The following ANK1 variants were observed in gnomAD, a reference collection of about 807,000 sequenced individuals.
ANK1 encodes ankyrin 1.
A neutral mutation model predicts 210.4 loss-of-function variants in ANK1; 51 were observed. The observed-to-expected ratio is 0.24, with a 90% CI of 0.19 to 0.31. The LOEUF (loss-of-function observed/expected upper bound fraction) is 0.31. ANK1 is among the 10% of genes least tolerant of loss of function. The pLI, the probability that ANK1 is intolerant of heterozygous loss-of-function variation, is 1.00. For synonymous variants in ANK1, 967 were observed against 1,025.9 expected (o/e 0.94, Z 1.10); for missense variants, 2,051 against 2,504.4 (o/e 0.82, Z 3.86).
chr8:41,719,956 C>T (rs1034974330), intron 9 of ANK1, 98 bp from the exon 10 acceptor site: 18 of 1,381,718 alleles, frequency 1.3e-5, no homozygotes, highest in African/African-American at 5.7e-5. Flanking sequence ...TTCTTCCCTA[C>T]ACAATGTTTC....
intron 1 of ANK1, among the ~76,000 whole-genome samples, chr8:41,816,068 T>C (rs1450478576): frequency 6.6e-6 from 1 of 152,244 alleles, no homozygotes; most frequent in Non-Finnish European, 1.5e-5. Context: ...TTATAAACCT[T>C]TATCGCTCTT....
intron 39 of ANK1, among the ~76,000 whole-genome samples, chr8:41,667,434 C>T (rs549712193): frequency 6.6e-6 from 1 of 152,138 alleles, no homozygotes; most frequent in Non-Finnish European, 1.5e-5. Flanking sequence ...AACAGTGGTG[C>T]ATGTTTTATA....
intron 1 of ANK1, among the ~76,000 whole-genome samples, chr8:41,764,682 T>C (rs150724935): frequency 6.6e-6 from 1 of 152,320 alleles, no homozygotes; most frequent in African/African-American, 2.4e-5. Context: ...CCTCCTCATC[T>C]CTAGCTTCGT....
At chr8:41,794,925 C>T (rs1438950906) in intron 1 of ANK1, among the ~76,000 whole-genome samples, 14 of 152,164 alleles carry the variant, frequency 9.2e-5, no homozygotes, top group African/African-American at 3.1e-4. Context: ...AGGCTGGCCT[C>T]GAACTCCTGA....
intron 1 of ANK1, among the ~76,000 whole-genome samples, chr8:41,890,710 AAAAAAAAAAAAAAAAG>A (rs1036302129): frequency 4.1e-5 from 6 of 145,502 alleles, no homozygotes; most frequent in African/African-American, 1.6e-4. Context: ...CTCCGTCTCA[AAAAAAAAAAAAAAAAG>A]AAAAAAGAAA....
chr8:41,803,143 G>A (rs1453790997), intron 1 of ANK1, among the ~76,000 whole-genome samples: 1 of 142,854 alleles, frequency 7.0e-6, no homozygotes, highest in African/African-American at 2.6e-5. Context: ...GGAAAGAAAG[G>A]AAAGAAAGAA....
chr8:41,697,411 C>T (rs1406728117), intron 24 of ANK1, among the ~76,000 whole-genome samples: 1 of 152,140 alleles, frequency 6.6e-6, no homozygotes. Context: ...TCCCCCGGTC[C>T]AGAACGTCCT....
Position 41,744,826 on chromosome 8 carries a change from C to T in ANK1, c.130-10757G>A, listed in dbSNP as rs188701163. On this transcript the variant is annotated intron_variant, in intron 2 of 42. Transcript: ENST00000289734. Reference sequence around the variant, plus strand: ...CTGGGATTACAGGCGTGAGCCTCCGCGCCCGATGGGAGCATGATTTCTATG... The same window carrying T: ...CTGGGATTACAGGCGTGAGCCTCCGTGCCCGATGGGAGCATGATTTCTATG... Among the ~76,000 whole-genome samples, 481 of 152,306 alleles carry T rather than the reference C, an allele frequency of 3.2e-3. 1 individual carries two copies. The highest frequency in any genetic ancestry group is 0.014 in the Middle Eastern group (4 of 294).
At chr8:41,850,231 A>G (rs1472760286) in intron 1 of ANK1, among the ~76,000 whole-genome samples, 3 of 152,194 alleles carry the variant, frequency 2.0e-5, no homozygotes, top group African/African-American at 7.2e-5. Context: ...CGTTTAGCCC[A>G]TGGGCTAAAA....
chr8:41,716,589 AG>A (rs1410289407), intron 13 of ANK1, among the ~76,000 whole-genome samples: 1 of 152,170 alleles, frequency 6.6e-6, no homozygotes, highest in Non-Finnish European at 1.5e-5. Context: ...GTTTACAGCA[AG>A]GGGGAACTCT....
Position 41,762,305 on chromosome 8 carries a change from G to C in ANK1, c.28-4168C>G, listed in dbSNP as rs529393089. Among the ~76,000 whole-genome samples the C allele has an allele frequency of 5.3e-5, 8 of 152,200 alleles. No individual in the cohort carries two copies. The South Asian group carries it at 1.5e-3, about 28-fold the overall frequency. On this transcript the variant is annotated intron_variant, in intron 1 of 42. Transcript: ENST00000289734. The stretch of plus-strand genomic sequence containing the variant: ...GATGGTGGCTACTTCCTGCATGAAT[G>C]ACACTATGCTTAGACACTCAGTATT...
intron 1 of ANK1, among the ~76,000 whole-genome samples, chr8:41,854,059 T>C (rs1398966633): frequency 6.6e-6 from 1 of 152,280 alleles, no homozygotes; most frequent in Non-Finnish European, 1.5e-5. Flanking sequence ...TATTCACTAA[T>C]TAATCTTTGA....
chr8:41,693,387 G>A (rs1819831647), intron 29 of ANK1, among the ~76,000 whole-genome samples, 186 bp from the exon 30 acceptor site: 1 of 144,668 alleles, frequency 6.9e-6, no homozygotes, highest in African/African-American at 2.5e-5. Context: ...TCCTCCTAGG[G>A]CTTGGAGAGT....
At chr8:41,808,656 ACT>A (rs962521061) in intron 1 of ANK1, among the ~76,000 whole-genome samples, 5 of 152,008 alleles carry the variant, frequency 3.3e-5, no homozygotes, top group African/African-American at 7.2e-5. Flanking sequence ...ACAGAGCGAG[ACT>A]CTGTCTAAAA....
chr8:41,821,773 C>T (rs1331344663), intron 1 of ANK1, among the ~76,000 whole-genome samples: 2 of 152,074 alleles, frequency 1.3e-5, no homozygotes, highest in African/African-American at 2.4e-5. Context: ...ATTGGCCAGG[C>T]GCGGTGGCTT....
intron 37 of ANK1, among the ~76,000 whole-genome samples, chr8:41,674,016 T>C (rs1813343333): frequency 6.6e-6 from 1 of 152,076 alleles, no homozygotes; most frequent in Non-Finnish European, 1.5e-5. Context: ...CTAGTTCAAA[T>C]GCTCCATTCT....
chr8:41,786,467 C>T (rs1250459833), intron 1 of ANK1, among the ~76,000 whole-genome samples: 1 of 152,226 alleles, frequency 6.6e-6, no homozygotes, highest in Non-Finnish European at 1.5e-5. Flanking sequence ...CTTCAGGCTG[C>T]CCCAGCCACT....
intron 20 of ANK1, among the ~76,000 whole-genome samples, chr8:41,703,502 T>C (rs1440952833): frequency 7.0e-6 from 1 of 143,330 alleles, no homozygotes; most frequent in East Asian, 2.0e-4. Flanking sequence ...CCAGGCTGGA[T>C]GTCAAGTGGG....
chr8:41,830,763 G>A (rs1421446940), intron 1 of ANK1, among the ~76,000 whole-genome samples: 1 of 152,162 alleles, frequency 6.6e-6, no homozygotes, highest in Non-Finnish European at 1.5e-5. Context: ...TGTCGGTTCT[G>A]CTTGAAAAGG....
Sources: gnomAD v4.1 joint callset for allele counts (sites outside exome capture counted in the v4.1 genomes callset) on GRCh38, gnomAD v4.1.1 for gene constraint, MANE v1.5 for transcripts, NCBI Gene and HGNC (gene_info 2026-07-23, HGNC 2026-07-21) for gene names.